The following GAREM1 variants were observed in gnomAD, a reference collection of about 807,000 sequenced individuals.
GAREM1 encodes GRB2 associated regulator of MAPK1 subtype 1, also known as GRB2-associated and regulator of MAPK protein 1.
In GAREM1, 26 loss-of-function variants were observed where a neutral mutation model predicts 71.3. The observed-to-expected ratio is 0.36, with a 90% CI of 0.27 to 0.51. The LOEUF (loss-of-function observed/expected upper bound fraction) is 0.51, where lower values mean the gene tolerates loss of function less well. GAREM1 is among the 20% of genes least tolerant of loss of function. GAREM1 has a pLI of 0.95. For synonymous variants in GAREM1, 440 were observed against 433.2 expected, an observed-to-expected ratio of 1.02 and a Z score of -0.20; for missense variants, 1,026 against 1,103.1, an observed-to-expected ratio of 0.93 and a Z score of 0.99.
At chr18:32,443,672 G>T (rs532815820) in intron 1 of GAREM1, among the ~76,000 whole-genome samples, 1 of 152,220 alleles carries the variant, frequency 6.6e-6, no homozygotes, top group African/African-American at 2.4e-5. Context: ...CATTGTTCTG[G>T]AAATGTAAAA....
chr18:32,381,441 C>T (rs745965815), intron 2 of GAREM1, among the ~76,000 whole-genome samples: 3 of 152,114 alleles, frequency 2.0e-5, no homozygotes, highest in African/African-American at 7.2e-5. Context: ...AAAATGTTTC[C>T]TTAAAAGCTA....
chr18:32,415,437 C>T (rs146110297), intron 1 of GAREM1, among the ~76,000 whole-genome samples: 366 of 152,036 alleles, frequency 2.4e-3, no homozygotes, highest in Non-Finnish European at 4.4e-3. Flanking sequence ...AAAAACAGGC[C>T]ATTATCTCTG....
intron 2 of GAREM1, among the ~76,000 whole-genome samples, chr18:32,366,141 C>G (rs1198556057): frequency 6.6e-6 from 1 of 152,138 alleles, no homozygotes; most frequent in African/African-American, 2.4e-5. Context: ...TCACTCCACC[C>G]TGCCCACCTA....
chr18:32,286,615 T>C (rs138786999), intron 4 of GAREM1, among the ~76,000 whole-genome samples: 410 of 152,154 alleles, frequency 2.7e-3, no homozygotes, highest in African/African-American at 7.5e-3. Context: ...CACAAGTAAA[T>C]ATTGTTGGGT....
chr18:32,361,410 A>C (rs912775377), intron 2 of GAREM1, among the ~76,000 whole-genome samples: 46 of 152,338 alleles, frequency 3.0e-4, no homozygotes, highest in African/African-American at 1.1e-3. Context: ...TCCAAAATTA[A>C]ATGAAAATAT....
chr18:32,329,066 T>C (rs968620095), intron 2 of GAREM1, among the ~76,000 whole-genome samples: 1 of 152,136 alleles, frequency 6.6e-6, no homozygotes, highest in Non-Finnish European at 1.5e-5. Flanking sequence ...GCCAAATAAA[T>C]GCAAATTAAA....
At chr18:32,390,365 ACTT>A (rs2048184145) in intron 2 of GAREM1, among the ~76,000 whole-genome samples, 1 of 152,170 alleles carries the variant, frequency 6.6e-6, no homozygotes, top group Admixed American at 6.5e-5. Flanking sequence ...TTCTACCTAA[ACTT>A]CTTGTTGAAA....
At position 32,467,460 on chromosome 18, in the gene GAREM1, A is replaced by C. The variant is rs767902353; in HGVS notation, c.121+2848T>G. 3.6e-4 allele frequency among the ~76,000 whole-genome samples: 55 copies of C among 152,084 alleles called. 1 individual carries two copies. The highest frequency in any genetic ancestry group is 7.6e-4 in the Non-Finnish European group (52 of 68,024). On this transcript the variant is annotated intron_variant, in intron 1 of 5. Coordinates refer to ENST00000269209, the MANE Select transcript of GAREM1 (RefSeq NM_001242409.2). The stretch of plus-strand genomic sequence containing the variant: ...GGCTGGAAATTCCACTCCACCATTT[A>C]CTAGGTACGAGTCTTCAGGCAAGTC...
chr18:32,300,165 G>C (rs971748559), intron 3 of GAREM1, among the ~76,000 whole-genome samples: 1 of 152,176 alleles, frequency 6.6e-6, no homozygotes. Context: ...AAACTGGCTA[G>C]CTAGAACTAC....
intron 2 of GAREM1, among the ~76,000 whole-genome samples, chr18:32,376,778 C>A (rs1472080246): frequency 5.3e-5 from 8 of 152,168 alleles, no homozygotes. Flanking sequence ...GCGGAGGCTG[C>A]AATGAGCCGA....
At chr18:32,286,786 A>C (rs963451089) in intron 4 of GAREM1, among the ~76,000 whole-genome samples, 1 of 152,184 alleles carries the variant, frequency 6.6e-6, no homozygotes, top group Non-Finnish European at 1.5e-5. Context: ...TCCGGGCAGC[A>C]GCAAAAGTCA....
intron 1 of GAREM1, among the ~76,000 whole-genome samples, chr18:32,463,211 TG>T (rs1169616153): frequency 6.6e-6 from 1 of 152,200 alleles, no homozygotes; most frequent in Non-Finnish European, 1.5e-5. Context: ...ATATAATGAT[TG>T]TGTCAATTAA....
chr18:32,427,921 A>G (rs574430015), intron 1 of GAREM1, among the ~76,000 whole-genome samples: 21 of 152,336 alleles, frequency 1.4e-4, no homozygotes, highest in African/African-American at 5.1e-4. Flanking sequence ...AGGGAAAAAA[A>G]GGGGTCCTAT....
chr18:32,394,338 G>A (rs1050728611), intron 1 of GAREM1, among the ~76,000 whole-genome samples: 2 of 152,152 alleles, frequency 1.3e-5, no homozygotes, highest in Non-Finnish European at 2.9e-5. Context: ...GGAGGTGGAG[G>A]CTACAGTGAG....
chr18:32,457,222 AGAGAGTGTGT>A (rs1206931322), intron 1 of GAREM1, among the ~76,000 whole-genome samples: 22 of 84,240 alleles, frequency 2.6e-4, no homozygotes, highest in Non-Finnish European at 4.1e-4. Context: ...AGAGAGAGAG[AGAGAGTGTGT>A]GTGTGTGTGT....
intron 1 of GAREM1, among the ~76,000 whole-genome samples, chr18:32,425,202 C>A (rs1237612837): frequency 2.6e-5 from 4 of 152,136 alleles, no homozygotes. Context: ...CTCAGCAGCT[C>A]CCACTTTAAA....
intron 3 of GAREM1, among the ~76,000 whole-genome samples, chr18:32,299,329 A>G (rs1371932848): frequency 7.2e-5 from 11 of 152,020 alleles, no homozygotes; most frequent in Admixed American, 7.2e-4. Flanking sequence ...CCTGGCTAAC[A>G]TGGTGAAACC....
intron 1 of GAREM1, among the ~76,000 whole-genome samples, chr18:32,395,919 G>C (rs2048250619): frequency 6.6e-6 from 1 of 152,148 alleles, no homozygotes; most frequent in Admixed American, 6.5e-5. Flanking sequence ...CCCTGAGTAG[G>C]GGCAGACTGA....
chr18:32,340,894 G>A (rs746942674), intron 2 of GAREM1, among the ~76,000 whole-genome samples: 4 of 152,094 alleles, frequency 2.6e-5, no homozygotes, highest in Non-Finnish European at 2.9e-5. Flanking sequence ...GAAGACTGAC[G>A]TAAAGTGTGT....
Sources: allele counts gnomAD v4.1 joint callset (sites outside exome capture counted in the v4.1 genomes callset), GRCh38; gene constraint gnomAD v4.1.1; transcripts MANE v1.5; gene names NCBI Gene and HGNC (gene_info 2026-07-23, HGNC 2026-07-21).